The following CSDC2 variants were observed in gnomAD, a reference collection of about 807,000 sequenced individuals.
CSDC2 encodes the protein cold shock domain containing C2, also known as cold shock domain-containing protein C2.
A neutral mutation model predicts 15.8 loss-of-function variants in CSDC2; 8 were observed. That is an observed-to-expected ratio of 0.51 (90% CI 0.30 to 0.92). The LOEUF is 0.92. Among genes scored for constraint, CSDC2 ranks in the 40% least tolerant of loss-of-function variants. The pLI, the probability that CSDC2 is intolerant of heterozygous loss-of-function variation, is 0.07. For synonymous variants in CSDC2, 96 were observed against 92.3 expected (o/e 1.04, Z -0.23); for missense variants, 195 against 213.3 (o/e 0.91, Z 0.53).
Position 41,572,156 on chromosome 22 carries a change from C to G in CSDC2, c.176+15C>G. 5 of 1,297,390 alleles carry G rather than the reference C, an allele frequency of 3.9e-6. No individual in the cohort carries two copies. The highest frequency in any genetic ancestry group is 4.9e-6 in the Non-Finnish European group (5 of 1,015,618). 80.4% of individuals were successfully genotyped at this position (1,297,390 alleles called of 1,614,324 possible). ...ACCTATTCAGCGTGAGTACCTGCCC[C>G]TTGCCCAGGCCCCTGACCCTTGTCA... On this transcript the variant is annotated intron_variant, in intron 2 of 3. Coordinates refer to ENST00000306149, the MANE Select transcript of CSDC2 (RefSeq NM_014460.4).
At chr22:41,574,467 T>C (rs1424809690) in intron 3 of CSDC2, among the ~76,000 whole-genome samples, 2 of 152,232 alleles carry the variant, frequency 1.3e-5, no homozygotes, top group African/African-American at 2.4e-5. Context: ...GGTTTCGCCA[T>C]GTTGGCCAGG....
At chr22:41,574,465 C>T (rs2067164641) in intron 3 of CSDC2, among the ~76,000 whole-genome samples, 1 of 152,186 alleles carries the variant, frequency 6.6e-6, no homozygotes, top group African/African-American at 2.4e-5. Context: ...AGGGTTTCGC[C>T]ATGTTGGCCA....
intron 2 of CSDC2, among the ~76,000 whole-genome samples, 192 bp downstream of exon 2, chr22:41,572,333 C>A: frequency 9.4e-6 from 1 of 105,834 alleles, no homozygotes; most frequent in African/African-American, 4.7e-5. Context: ...TCCATCCATC[C>A]ATCCATCCAT....
At chr22:41,566,141 A>AT (rs1303830025) in intron 1 of CSDC2, among the ~76,000 whole-genome samples, 2 of 122,298 alleles carry the variant, frequency 1.6e-5, no homozygotes, top group African/African-American at 3.2e-5. Context: ...CCCATCTCTG[A>AT]TTAAAAAAAA....
chr22:41,573,562 A>T, intron 2 of CSDC2, 93 bp from the exon 3 acceptor site: 1 of 1,458,378 alleles, frequency 6.9e-7, no homozygotes, highest in Non-Finnish European at 9.3e-7. Flanking sequence ...CACAGCCCTG[A>T]GGCACGCTCA....
intron 2 of CSDC2, 84 bp from the exon 3 acceptor site, chr22:41,573,571 C>G: frequency 2.0e-6 from 3 of 1,505,818 alleles, no homozygotes; most frequent in Non-Finnish European, 2.7e-6. Context: ...GAGGCACGCT[C>G]AGCAGAAAGG....
chr22:41,563,006 G>T (rs991569027), intron 1 of CSDC2, among the ~76,000 whole-genome samples: 1 of 152,110 alleles, frequency 6.6e-6, no homozygotes, highest in Non-Finnish European at 1.5e-5. Context: ...GTGCGTATTT[G>T]GCTCTCCCAG....
chr22:41,561,034 G>A lies in CSDC2; in HGVS notation c.-273G>A, dbSNP rs1270721646. 7.8e-6 allele frequency: 1 copy of A among 128,582 alleles called. No homozygotes were observed. The highest frequency in any genetic ancestry group is 1.6e-5 in the Non-Finnish European group (1 of 62,320). The allele number at this position is 128,582 out of a possible 1,614,324, so 8.0% of individuals were successfully genotyped here. A position where few individuals can be genotyped will look rare whatever the true frequency, so the allele number is the denominator to read the frequency against. On this transcript the variant is annotated 5_prime_UTR_variant, in exon 1 of 4. Transcript: ENST00000306149. ...TGAGGGGCTGAGGTACCGCCCGCGC[G>A]AGCACACACAGACACACACACACAC...
chr22:41,573,525 G>A, intron 2 of CSDC2, 130 bp from the exon 3 acceptor site: 2 of 1,071,236 alleles, frequency 1.9e-6, no homozygotes, highest in East Asian at 2.5e-5. Context: ...GGATGACTGT[G>A]TGGTTTCTGG....
chr22:41,574,590 AG>A, intron 3 of CSDC2, 142 bp from the exon 4 acceptor site: 1 of 905,654 alleles, frequency 1.1e-6, no homozygotes, highest in Non-Finnish European at 1.6e-6. Context: ...CAGATTCGAG[AG>A]CTGAGGTTCT....
intron 1 of CSDC2, among the ~76,000 whole-genome samples, chr22:41,568,942 C>G (rs965623334): frequency 7.2e-5 from 11 of 152,246 alleles, no homozygotes; most frequent in Non-Finnish European, 1.5e-4. Context: ...CAGAGCAGGC[C>G]CCAGCTCAGC....
intron 2 of CSDC2, 88 bp from the exon 3 acceptor site, chr22:41,573,567 C>T (rs1002427082): frequency 3.4e-5 from 50 of 1,482,672 alleles, no homozygotes; most frequent in Middle Eastern, 5.0e-4. Context: ...CCCTGAGGCA[C>T]GCTCAGCAGA....
chr22:41,573,631 C>G lies in CSDC2; in HGVS notation c.177-24C>G, dbSNP rs1008601189. On this transcript the variant is annotated intron_variant, in intron 2 of 3. Transcript: ENST00000306149. ...GGGAGGAGTTCCTCAGGCCACAGCT[C>G]CAATCCCACTACCCTATCTCCAGGA... 3.8e-6 allele frequency: 6 copies of G among 1,599,668 alleles called. No homozygotes were observed. The African/African-American group carries it at 8.1e-5, about 21-fold the overall frequency.
At chr22:41,570,856 G>A (rs1203176583) in intron 1 of CSDC2, among the ~76,000 whole-genome samples, 1 of 151,158 alleles carries the variant, frequency 6.6e-6, no homozygotes, top group Non-Finnish European at 1.5e-5. Context: ...TAGGTGTGAG[G>A]GTGCATGCTT....
Position 41,574,448 on chromosome 22 carries a change from TA to T in CSDC2, c.300-284del, listed in dbSNP as rs373569110. On this transcript the variant is annotated intron_variant, in intron 3 of 3. Coordinates refer to ENST00000306149, the MANE Select transcript of CSDC2 (RefSeq NM_014460.4). ...GCCTGGCTAATTTTTGTACTTTTAG[TA>T]GAGCCAGGGTTTCGCCATGTTGGCC... Among the ~76,000 whole-genome samples, 189 of 152,306 alleles carry T rather than the reference TA, an allele frequency of 1.2e-3. 1 individual carries two copies. The highest frequency in any genetic ancestry group is 4.3e-3 in the African/African-American group (179 of 41,576).
At position 41,575,193 on chromosome 22, in the gene CSDC2, C is replaced by T. The variant is rs966198468; in HGVS notation, c.*298C>T. 1.7e-4 allele frequency: 79 copies of T among 458,742 alleles called. No individual in the cohort carries two copies. The highest frequency in any genetic ancestry group is 2.5e-4 in the Non-Finnish European group (63 of 252,286). 28.4% of individuals were successfully genotyped at this position (458,742 alleles called of 1,614,324 possible). ...CTGCCGCAGACACGCAGGACCCGCTCGCCCTCCTGCTTACCCGTCCCCACG... is the reference window on the plus strand; with the variant it reads ...CTGCCGCAGACACGCAGGACCCGCTTGCCCTCCTGCTTACCCGTCCCCACG... On this transcript the variant is annotated 3_prime_UTR_variant, in exon 4 of 4. Coordinates refer to ENST00000306149, the MANE Select transcript of CSDC2 (RefSeq NM_014460.4).
chr22:41,573,107 G>A (rs1465439674), intron 2 of CSDC2, among the ~76,000 whole-genome samples: 3 of 152,180 alleles, frequency 2.0e-5, no homozygotes, highest in Non-Finnish European at 4.4e-5. Flanking sequence ...CACTTTGGGA[G>A]GTCGAGACAG....
Position 41,576,388 on chromosome 22 carries a change from A to G in CSDC2, c.*1493A>G, listed in dbSNP as rs2067175511. The G allele has an allele frequency of 6.6e-6, 1 of 152,204 alleles. No individual in the cohort carries two copies. The highest frequency in any genetic ancestry group is 6.5e-5 in the Admixed American group (1 of 15,274). 9.4% of individuals were successfully genotyped at this position (152,204 alleles called of 1,614,324 possible). On this transcript the variant is annotated 3_prime_UTR_variant, in exon 4 of 4. Transcript: ENST00000306149. ...GGCCCAGCCTGTCCCATGAGGAATAAAGGCCCCTGGCCCCCTTGAGAGAGG... is the reference window on the plus strand; with the variant it reads ...GGCCCAGCCTGTCCCATGAGGAATAGAGGCCCCTGGCCCCCTTGAGAGAGG...
chr22:41,565,267 TG>T (rs1419766706), intron 1 of CSDC2, among the ~76,000 whole-genome samples: 1 of 151,462 alleles, frequency 6.6e-6, no homozygotes, highest in Non-Finnish European at 1.5e-5. Flanking sequence ...CTGGCCAACA[TG>T]GTGAAACCCC....
Sources: gnomAD v4.1 joint callset for allele counts (sites outside exome capture counted in the v4.1 genomes callset) on GRCh38, gnomAD v4.1.1 for gene constraint, MANE v1.5 for transcripts, NCBI Gene and HGNC (gene_info 2026-07-23, HGNC 2026-07-21) for gene names.